The following RAB13 variants were observed in gnomAD, a reference collection of about 807,000 sequenced individuals.
The protein encoded by RAB13 is RAB13, member RAS oncogene family, also known as ras-related protein Rab-13.
RAB13 carries 15 observed loss-of-function variants against 29.3 expected under a neutral mutation model. The ratio of observed to expected loss-of-function variants is 0.51; its 90% CI spans 0.34 to 0.79. The LOEUF is 0.79. Among genes scored for constraint, RAB13 ranks in the 30% least tolerant of loss-of-function variants. RAB13 has a pLI of 0.01. For synonymous variants in RAB13, 82 were observed against 93.8 expected, an observed-to-expected ratio of 0.87 and a Z score of 0.73; for missense variants, 186 against 255.5, an observed-to-expected ratio of 0.73 and a Z score of 1.85.
chr1:153,985,273 A>C (rs948858228), intron 1 of RAB13: 2 of 986,194 alleles, frequency 2.0e-6, no homozygotes, highest in Non-Finnish European at 2.4e-6. Flanking sequence ...TCTGAGGCTA[A>C]ACAGGATTAC....
Position 153,981,714 on chromosome 1 carries a change from T to C in RAB13, c.*385A>G. ...TGACAAGTGACAGAACAGGAGCAAA[T>C]TCCCTAGTGTAGTGCCGAGCTAGCC... is the stretch of plus-strand genomic sequence containing the variant. On this transcript the variant is annotated 3_prime_UTR_variant, in exon 8 of 8. Transcript: ENST00000368575. The C allele has an allele frequency of 9.5e-6, 2 of 211,014 alleles. No homozygotes were observed. Among genetic ancestry groups the C allele is most frequent in the South Asian group, 1.8e-4 (2 of 10,844 alleles). 13.1% of individuals were successfully genotyped at this position (211,014 alleles called of 1,614,324 possible). A position where few individuals can be genotyped will look rare whatever the true frequency, so the allele number is the denominator to read the frequency against.
chr1:153,983,886 G>A (rs1018369710), intron 2 of RAB13, among the ~76,000 whole-genome samples: 1 of 152,100 alleles, frequency 6.6e-6, no homozygotes, highest in African/African-American at 2.4e-5. Flanking sequence ...TTTTAAAAAT[G>A]AGGAAACACG....
In RAB13 at chr1:153,986,096, A is replaced by G. The variant is rs771651644; in HGVS notation, c.124+17T>C. 2 of 1,612,878 alleles carry G rather than the reference A, an allele frequency of 1.2e-6. No homozygotes were observed. The highest frequency in any genetic ancestry group is 1.3e-5 in the African/African-American group (1 of 74,884). On this transcript the variant is annotated intron_variant, in intron 1 of 7. Transcript: ENST00000368575. ...TCACAGGAGAGTCGGGGTCTGGGAC[A>G]TGGCCAGCGGGCTCACCGATGGTGG...
upstream of RAB13, chr1:153,986,482 T>A (rs548904318): frequency 4.0e-6 from 2 of 501,180 alleles, no homozygotes; most frequent in African/African-American, 3.9e-5. Flanking sequence ...CTTCCTAGCT[T>A]AGGCCGGCCT....
At chr1:153,986,577 C>G (rs1380934586), upstream of RAB13, among the ~76,000 whole-genome samples, 1 of 152,094 alleles carries the variant, frequency 6.6e-6, no homozygotes, top group Non-Finnish European at 1.5e-5. Context: ...GCCAGAGAGG[C>G]TGGGGTGAAG....
At chr1:153,987,524 AAAAAAAAG>A (rs1413698926), upstream of RAB13, among the ~76,000 whole-genome samples, 1 of 106,636 alleles carries the variant, frequency 9.4e-6, no homozygotes, top group Non-Finnish European at 1.9e-5. Flanking sequence ...TCAAAAAAAA[AAAAAAAAG>A]AAAGAAAGAA....
upstream of RAB13, among the ~76,000 whole-genome samples, chr1:153,988,763 G>A (rs868103157): frequency 2.0e-5 from 3 of 148,538 alleles, no homozygotes; most frequent in Admixed American, 6.7e-5. Flanking sequence ...ACAGACACCC[G>A]CACTACCCCC....
chr1:153,982,845 G>A (rs1428450350), intron 4 of RAB13, 37 bp from the exon 5 acceptor site: 13 of 1,604,694 alleles, frequency 8.1e-6, no homozygotes, highest in Non-Finnish European at 9.4e-6. Flanking sequence ...AGGTCCTGCC[G>A]GCTGGGAGCG....
At chr1:153,986,557 C>A (rs1649178257), upstream of RAB13, among the ~76,000 whole-genome samples, 2 of 152,164 alleles carry the variant, frequency 1.3e-5, no homozygotes, top group Admixed American at 1.3e-4. Flanking sequence ...CCTTACTCTT[C>A]CATTCTGAGG....
upstream of RAB13, chr1:153,990,658 A>T: frequency 8.8e-7 from 1 of 1,136,694 alleles, no homozygotes; most frequent in Non-Finnish European, 1.3e-6. Flanking sequence ...TTGTCTCCCC[A>T]CTGCGGCGGA....
chr1:153,986,228 T>G lies in RAB13; in HGVS notation c.9A>C (p.Lys3Asn), dbSNP rs757134328. 3.7e-6 allele frequency: 6 copies of G among 1,612,502 alleles called. No homozygotes were observed. In the Admixed American group the frequency reaches 8.4e-5, roughly 22 times the overall value. Residue 3 changes from lysine to asparagine, a missense_variant, in exon 1 of 8, where the codon AAA (lysine) becomes AAC (asparagine). Physicochemically the swap from Lys to Asn is moderately conservative, Grantham distance 94. Coordinates refer to ENST00000368575, the MANE Select transcript of RAB13 (RefSeq NM_002870.5). MA[K>N]AYDHLFKLLL... Reference sequence around the variant, plus strand: ...GCAACTTGAAGAGGTGGTCGTAGGCTTTGGCCATGGCGGACACCGGGGGAG... The same window carrying G: ...GCAACTTGAAGAGGTGGTCGTAGGCGTTGGCCATGGCGGACACCGGGGGAG...
chr1:153,983,319 T>A, intron 3 of RAB13, 23 bp from the exon 4 acceptor site: 1 of 1,604,834 alleles, frequency 6.2e-7, no homozygotes, highest in South Asian at 1.1e-5. Flanking sequence ...AAAATTCACC[T>A]TGGACCATGT....
At chr1:153,983,480 A>G (rs1264428226) in intron 3 of RAB13, 41 bp downstream of exon 3, 8 of 1,553,792 alleles carry the variant, frequency 5.1e-6, no homozygotes, top group Non-Finnish European at 7.1e-6. Context: ...TATATTCTGT[A>G]GCCTCATCCT....
chr1:153,986,210 G>T lies in RAB13; in HGVS notation c.27C>A (p.Phe9Leu), dbSNP rs750759456. The T allele has an allele frequency of 1.7e-5, 28 of 1,613,464 alleles. No individual in the cohort carries two copies. The highest frequency in any genetic ancestry group is 1.7e-6 in the Non-Finnish European group (2 of 1,179,832). The change falls in exon 1 of 8, where the codon TTC (phenylalanine) becomes TTA (leucine). Residue 9 changes from phenylalanine (F) to leucine (L), a missense_variant. By Grantham distance (22) the Phe-to-Leu change is conservative. Coordinates refer to ENST00000368575, the MANE Select transcript of RAB13 (RefSeq NM_002870.5). The part of the protein sequence containing the change: MAKAYDHL[F>L]KLLLIGDSGV... Reference sequence around the variant, plus strand: ...CCGAGTCCCCGATCAGCAGCAACTTGAAGAGGTGGTCGTAGGCTTTGGCCA... The same window carrying T: ...CCGAGTCCCCGATCAGCAGCAACTTTAAGAGGTGGTCGTAGGCTTTGGCCA...
At chr1:153,982,621 A>C (rs372299956) in intron 5 of RAB13, 21 bp from the exon 6 acceptor site, 1 of 1,612,668 alleles carries the variant, frequency 6.2e-7, no homozygotes, top group East Asian at 2.2e-5. Flanking sequence ...TGAAGTGGGA[A>C]GAGAATTGAA....
chr1:153,983,087 T>G (rs1015091372), intron 4 of RAB13, 132 bp downstream of exon 4: 2 of 858,472 alleles, frequency 2.3e-6, no homozygotes, highest in African/African-American at 3.4e-5. Flanking sequence ...ATCCTGCCAT[T>G]GCACTCCAGC....
upstream of RAB13, among the ~76,000 whole-genome samples, chr1:153,987,753 A>C (rs1193223954): frequency 6.9e-6 from 1 of 145,694 alleles, no homozygotes; most frequent in Admixed American, 7.0e-5. Context: ...CAGCTTGGGC[A>C]ACATAGTGAG....
chr1:153,988,875 G>A (rs1649265503), upstream of RAB13, among the ~76,000 whole-genome samples: 2 of 149,552 alleles, frequency 1.3e-5, no homozygotes, highest in South Asian at 4.2e-4. Context: ...GCCTCCCAAA[G>A]GCCTGGGATT....
chr1:153,984,177 CAA>C (rs751964337), intron 2 of RAB13, among the ~76,000 whole-genome samples: 2,172 of 74,446 alleles, frequency 0.029, 35 homozygotes, highest in African/African-American at 0.11. Flanking sequence ...AACTCTGTCT[CAA>C]AAAAAAAAAA....
Sources: allele counts gnomAD v4.1 joint callset (sites outside exome capture counted in the v4.1 genomes callset), GRCh38; gene constraint gnomAD v4.1.1; transcripts MANE v1.5; gene names NCBI Gene and HGNC (gene_info 2026-07-23, HGNC 2026-07-21).